Variants in COL6A6 observed in about 807,000 individuals in gnomAD.
COL6A6 encodes the protein collagen type VI alpha 6 chain.
A neutral mutation model predicts 208.6 loss-of-function variants in COL6A6; 183 were observed. That is an observed-to-expected ratio of 0.88 (90% CI 0.78 to 0.99). The LOEUF (loss-of-function observed/expected upper bound fraction) is 0.99. Ranked by LOEUF, COL6A6 falls within the 50% of genes least tolerant of loss-of-function variation. The pLI, the probability that COL6A6 is intolerant of heterozygous loss-of-function variation, is 0.00. For missense variants in COL6A6, 2,816 were observed against 2,815.2 expected (o/e 1.00, Z -0.01); for synonymous variants, 973 against 1,011.8 (o/e 0.96, Z 0.73).
At chr3:130,617,625 C>T (rs2064572167) in intron 23 of COL6A6, among the ~76,000 whole-genome samples, 1 of 152,124 alleles carries the variant, frequency 6.6e-6, no homozygotes, top group Non-Finnish European at 1.5e-5. Flanking sequence ...CATTAGCTCA[C>T]CATTTGATGG....
At chr3:130,531,593 T>C (rs1008094281) in intron 1 of COL6A6, among the ~76,000 whole-genome samples, 1 of 152,234 alleles carries the variant, frequency 6.6e-6, no homozygotes, top group Non-Finnish European at 1.5e-5. Flanking sequence ...TCTAATAACC[T>C]GCCTCCCCCT....
intron 13 of COL6A6, among the ~76,000 whole-genome samples, chr3:130,592,059 T>C (rs2063729671): frequency 6.6e-6 from 1 of 152,164 alleles, no homozygotes; most frequent in African/African-American, 2.4e-5. Context: ...TTGGGAGTCT[T>C]GAATCCCCTG....
chr3:130,593,320 A>C, intron 17 of COL6A6, 68 bp downstream of exon 17: 3 of 1,210,658 alleles, frequency 2.5e-6, no homozygotes, highest in Non-Finnish European at 3.7e-6. Context: ...ACAGAGTAGA[A>C]TACTCAGTCA....
At chr3:130,575,516 A>G (rs2063274781) in intron 8 of COL6A6, among the ~76,000 whole-genome samples, 1 of 152,166 alleles carries the variant, frequency 6.6e-6, no homozygotes, top group African/African-American at 2.4e-5. Context: ...TCCCAGTGTA[A>G]TGTTAAAACT....
At chr3:130,607,368 T>C (rs2064215584) in intron 21 of COL6A6, among the ~76,000 whole-genome samples, 1 of 152,218 alleles carries the variant, frequency 6.6e-6, no homozygotes, top group Non-Finnish European at 1.5e-5. Flanking sequence ...CTGAGTATTT[T>C]GTTCAAAAAG....
chr3:130,672,728 T>C (rs1559809427), intron 36 of COL6A6, among the ~76,000 whole-genome samples: 2 of 151,242 alleles, frequency 1.3e-5, no homozygotes, highest in Non-Finnish European at 3.0e-5. Context: ...TAAGTGATTA[T>C]TGCCGGGTGT....
At chr3:130,595,268 C>T (rs1282317180) in intron 18 of COL6A6, among the ~76,000 whole-genome samples, 6 of 151,982 alleles carry the variant, frequency 3.9e-5, no homozygotes, top group African/African-American at 1.4e-4. Context: ...ATCACCATAC[C>T]CACACTTAAG....
intron 1 of COL6A6, among the ~76,000 whole-genome samples, chr3:130,547,986 T>A (rs1274224308): frequency 1.3e-5 from 2 of 152,126 alleles, no homozygotes; most frequent in Non-Finnish European, 2.9e-5. Flanking sequence ...TGAGATGGGG[T>A]TTCACCATGT....
At chr3:130,658,489 T>C (rs2065854896) in intron 33 of COL6A6, among the ~76,000 whole-genome samples, 187 bp from the exon 34 acceptor site, 1 of 152,186 alleles carries the variant, frequency 6.6e-6, no homozygotes, top group Non-Finnish European at 1.5e-5. Context: ...ACTTGTCATA[T>C]AGTTAAATTG....
chr3:130,573,769 C>G (rs761174936), intron 7 of COL6A6, among the ~76,000 whole-genome samples, 187 bp from the exon 8 acceptor site: 3 of 151,870 alleles, frequency 2.0e-5, no homozygotes, highest in Non-Finnish European at 4.4e-5. Context: ...CTGGGTTTCA[C>G]CATGTTAGCC....
intron 28 of COL6A6, among the ~76,000 whole-genome samples, chr3:130,641,424 A>T (rs534193991): frequency 1.2e-4 from 18 of 152,372 alleles, no homozygotes; most frequent in African/African-American, 4.1e-4. Flanking sequence ...TCCAAAAAAA[A>T]TAAGAAAAGA....
At chr3:130,648,622 T>G (rs1432130544) in intron 32 of COL6A6, among the ~76,000 whole-genome samples, 1 of 152,246 alleles carries the variant, frequency 6.6e-6, no homozygotes, top group African/African-American at 2.4e-5. Context: ...TTCTTCCAAT[T>G]TTTCTAAAAT....
At chr3:130,645,676 A>C (rs2065444764) in intron 32 of COL6A6, among the ~76,000 whole-genome samples, 1 of 152,206 alleles carries the variant, frequency 6.6e-6, no homozygotes, top group Non-Finnish European at 1.5e-5. Context: ...GGCAGAATAA[A>C]AGTGGGGATG....
intron 18 of COL6A6, among the ~76,000 whole-genome samples, chr3:130,595,860 C>T (rs564777990): frequency 6.6e-6 from 1 of 152,170 alleles, no homozygotes; most frequent in South Asian, 2.1e-4. Flanking sequence ...TGGCCATACT[C>T]AGATTGTCTT....
chr3:130,527,975 A>G lies in COL6A6; in HGVS notation c.-32+10578A>G, dbSNP rs568632128. 4.0e-5 allele frequency among the ~76,000 whole-genome samples: 5 copies of G among 126,426 alleles called. No individual in the cohort carries two copies. In the South Asian group the frequency reaches 1.2e-3, roughly 30 times the overall value. 82.9% of individuals were successfully genotyped at this position (126,426 alleles called of 152,430 possible). On this transcript the variant is annotated intron_variant, in intron 1 of 36. Coordinates refer to ENST00000358511, the MANE Select transcript of COL6A6 (RefSeq NM_001102608.3). ...GAAGCAACACCTGGTGTGCCTTTACATTTTTCAGAGCTGTTTCTGATGCTC... is the reference window on the plus strand; with the variant it reads ...GAAGCAACACCTGGTGTGCCTTTACGTTTTTCAGAGCTGTTTCTGATGCTC...
intron 1 of COL6A6, among the ~76,000 whole-genome samples, chr3:130,519,463 T>C (rs905586069): frequency 6.6e-6 from 1 of 152,230 alleles, no homozygotes; most frequent in Admixed American, 6.5e-5. Flanking sequence ...GAAGATTAGA[T>C]TTTCTATGCT....
intron 10 of COL6A6, 99 bp downstream of exon 10, chr3:130,582,167 A>G: frequency 4.1e-6 from 3 of 728,702 alleles, no homozygotes; most frequent in Non-Finnish European, 4.5e-6. Flanking sequence ...AATTTTGAAT[A>G]ACCCTGATTT....
intron 10 of COL6A6, among the ~76,000 whole-genome samples, chr3:130,582,916 GTGCTGCAATTTA>G (rs1460343102): frequency 6.6e-6 from 1 of 152,150 alleles, no homozygotes; most frequent in Non-Finnish European, 1.5e-5. Flanking sequence ...CACCAGTGGT[GTGCTGCAATTTA>G]TGCTCCAGAG....
chr3:130,565,674 T>C, intron 4 of COL6A6, 60 bp downstream of exon 4: 4 of 1,504,892 alleles, frequency 2.7e-6, no homozygotes, highest in Non-Finnish European at 3.6e-6. Context: ...CTTTCAAATA[T>C]TCTGTATACA....
Sources: allele counts gnomAD v4.1 joint callset (sites outside exome capture counted in the v4.1 genomes callset), GRCh38; gene constraint gnomAD v4.1.1; transcripts MANE v1.5; gene names NCBI Gene and HGNC (gene_info 2026-07-23, HGNC 2026-07-21).